Variants in ADPGK observed in about 807,000 individuals in gnomAD.
The protein encoded by ADPGK is ADP dependent glucokinase.
ADPGK carries 26 observed loss-of-function variants against 42.4 expected under a neutral mutation model. The ratio of observed to expected loss-of-function variants is 0.61; its 90% confidence interval spans 0.45 to 0.85. The LOEUF (loss-of-function observed/expected upper bound fraction) is 0.85, where lower values mean the gene tolerates loss of function less well. Among genes scored for constraint, ADPGK ranks in the 40% least tolerant of loss-of-function variants. The probability of loss-of-function intolerance (pLI) is 0.00; values close to 1 mark genes in which losing one functional copy is unlikely to be tolerated. For missense variants in ADPGK, 571 were observed against 627.0 expected (o/e 0.91, Z 0.95); for synonymous variants, 267 against 252.6 (o/e 1.06, Z -0.54).
intron 6 of ADPGK, among the ~76,000 whole-genome samples, chr15:72,753,493 A>G (rs780518103): frequency 3.3e-5 from 5 of 152,206 alleles, no homozygotes; most frequent in Admixed American, 2.0e-4. Context: ...GGGGAACCAC[A>G]ATATCCACCT....
Position 72,752,649 on chromosome 15 carries a change from A to G in ADPGK, c.1186T>C (p.Trp396Arg), listed in dbSNP as rs2066061683. ...GCCACGGCTGCCAGCTGGTTGGCCC[A>G]GTGTCCATCCACAGTTGCCAGGATG... The part of the protein sequence containing the change: ...YHILATVDGH[W>R]ANQLAAVAAG... Residue 396 changes from tryptophan (W) to arginine (R), a missense_variant, in exon 7 of 7, where the codon TGG becomes CGG. By Grantham distance (101) the Trp-to-Arg change is moderately radical. Transcript: ENST00000456471. The G allele has an allele frequency of 6.2e-7, 1 of 1,614,216 alleles. No homozygotes were observed. The highest frequency in any genetic ancestry group is 1.7e-5 in the Admixed American group (1 of 60,024).
At position 72,764,844 on chromosome 15, in the gene ADPGK, C is replaced by T. The variant is rs898994371; in HGVS notation, c.523-4317G>A. Among the ~76,000 whole-genome samples the T allele has an allele frequency of 2.0e-5, 3 of 152,104 alleles. No homozygotes were observed. In the East Asian group the frequency reaches 5.8e-4, roughly 29 times the overall value. On this transcript the variant is annotated intron_variant, in intron 3 of 6. Coordinates refer to ENST00000456471, the MANE Select transcript of ADPGK (RefSeq NM_001365225.1). ...GCTGGTGACTAAGTTGAAGCCAATG[C>T]TCACTGACCATTCTGAAAAATCCTA...
At chr15:72,771,009 C>T (rs542174042) in intron 3 of ADPGK, among the ~76,000 whole-genome samples, 10 of 152,332 alleles carry the variant, frequency 6.6e-5, no homozygotes, top group African/African-American at 2.4e-4. Context: ...CCATAATCAT[C>T]TTTGATAAAT....
At chr15:72,772,825 C>A (rs949799993) in intron 2 of ADPGK, among the ~76,000 whole-genome samples, 19 of 152,080 alleles carry the variant, frequency 1.2e-4, no homozygotes, top group African/African-American at 4.6e-4. Flanking sequence ...AGCTGAGGAC[C>A]TGGAGAACAA....
At chr15:72,755,315 G>A (rs985806855) in intron 6 of ADPGK, among the ~76,000 whole-genome samples, 7 of 152,188 alleles carry the variant, frequency 4.6e-5, no homozygotes, top group Non-Finnish European at 1.0e-4. Context: ...CATTCCAGAG[G>A]AGAAATATGA....
At chr15:72,768,975 C>CAAAA (rs35877343) in intron 3 of ADPGK, among the ~76,000 whole-genome samples, 3 of 137,910 alleles carry the variant, frequency 2.2e-5, no homozygotes, top group Non-Finnish European at 3.1e-5. Context: ...TCCTGTCTCT[C>CAAAA]AAAAAAAAAA....
At chr15:72,753,525 C>T (rs1052554102) in intron 6 of ADPGK, among the ~76,000 whole-genome samples, 3 of 152,214 alleles carry the variant, frequency 2.0e-5, no homozygotes, top group Non-Finnish European at 4.4e-5. Context: ...TTACTTAGCA[C>T]TTCCCTCCTT....
At chr15:72,753,988 T>C (rs947905020) in intron 6 of ADPGK, among the ~76,000 whole-genome samples, 1 of 151,540 alleles carries the variant, frequency 6.6e-6, no homozygotes, top group African/African-American at 2.4e-5. Context: ...TGCTGGTAGT[T>C]GGGGAGGCTT....
chr15:72,764,824 T>C (rs2066238225), intron 3 of ADPGK, among the ~76,000 whole-genome samples: 1 of 152,132 alleles, frequency 6.6e-6, no homozygotes, highest in Non-Finnish European at 1.5e-5. Flanking sequence ...ACACAGCTGG[T>C]GACTAAGTTG....
intron 3 of ADPGK, among the ~76,000 whole-genome samples, chr15:72,761,289 C>T (rs1181740796): frequency 6.6e-6 from 1 of 152,144 alleles, no homozygotes; most frequent in Non-Finnish European, 1.5e-5. Flanking sequence ...AACAAAGCTG[C>T]CAGATGAAAA....
chr15:72,771,486 C>T (rs1394583533), intron 3 of ADPGK, among the ~76,000 whole-genome samples: 4 of 152,178 alleles, frequency 2.6e-5, no homozygotes, highest in Non-Finnish European at 5.9e-5. Context: ...CTGTGTGCCT[C>T]AAGTTTTCTC....
At chr15:72,766,597 A>G (rs1001226403) in intron 3 of ADPGK, among the ~76,000 whole-genome samples, 2 of 152,230 alleles carry the variant, frequency 1.3e-5, no homozygotes, top group African/African-American at 4.8e-5. Context: ...TTACTTGACG[A>G]TAGTACGGTG....
At chr15:72,772,327 C>T (rs2066338825) in intron 2 of ADPGK, among the ~76,000 whole-genome samples, 1 of 152,226 alleles carries the variant, frequency 6.6e-6, no homozygotes, top group Non-Finnish European at 1.5e-5. Context: ...CCTTCCACAC[C>T]CTGCTTACAG....
chr15:72,762,195 G>C (rs1184000131), intron 3 of ADPGK, among the ~76,000 whole-genome samples: 1 of 151,864 alleles, frequency 6.6e-6, no homozygotes, highest in Non-Finnish European at 1.5e-5. Context: ...ATTTTTAATA[G>C]AGACAAGACC....
chr15:72,758,392 A>G (rs1595790306), intron 4 of ADPGK: 6 of 550,634 alleles, frequency 1.1e-5, no homozygotes, highest in Non-Finnish European at 2.0e-5. Flanking sequence ...AAGCCTGACA[A>G]TGGGCTTCTC....
chr15:72,778,502 C>T (rs1029970609), intron 1 of ADPGK, among the ~76,000 whole-genome samples: 16 of 151,972 alleles, frequency 1.1e-4, no homozygotes, highest in African/African-American at 3.9e-4. Flanking sequence ...GCTCACACTT[C>T]AGTAAAAAAT....
At position 72,758,872 on chromosome 15, in the gene ADPGK, C is replaced by T. The variant is rs569032452; in HGVS notation, c.643+1535G>A. 1.8e-4 allele frequency among the ~76,000 whole-genome samples: 28 copies of T among 152,334 alleles called. 1 individual carries two copies. The South Asian group carries it at 4.1e-3, about 23-fold the overall frequency. ...GAATCTGGAACTCATGGCAGCAATA[C>T]CTCAGGGGCTCATCTTTAGCAATTC... On this transcript the variant is annotated intron_variant, in intron 4 of 6. Coordinates refer to ENST00000456471, the MANE Select transcript of ADPGK (RefSeq NM_001365225.1).
chr15:72,780,557 G>C (rs1477028609), intron 1 of ADPGK, among the ~76,000 whole-genome samples: 1 of 152,172 alleles, frequency 6.6e-6, no homozygotes, highest in Non-Finnish European at 1.5e-5. Flanking sequence ...CACTTTCAGA[G>C]GCCAAGATGG....
chr15:72,765,233 C>T (rs1464855452), intron 3 of ADPGK, among the ~76,000 whole-genome samples: 2 of 152,172 alleles, frequency 1.3e-5, no homozygotes, highest in East Asian at 3.8e-4. Flanking sequence ...ACTGCAATCT[C>T]CACCTCCTGG....
Sources: allele counts gnomAD v4.1 joint callset (sites outside exome capture counted in the v4.1 genomes callset), GRCh38; gene constraint gnomAD v4.1.1; transcripts MANE v1.5; gene names NCBI Gene and HGNC (gene_info 2026-07-23, HGNC 2026-07-21).